TNFRSF13C: variants seen among roughly 807,000 people sequenced by gnomAD.
TNFRSF13C encodes TNF receptor superfamily member 13C.
Under a neutral mutation model 12.1 loss-of-function variants are expected in TNFRSF13C, and 7 were observed. That is an observed-to-expected ratio of 0.58 (90% CI 0.33 to 1.08). The LOEUF (loss-of-function observed/expected upper bound fraction) is 1.08. Ranked by LOEUF, TNFRSF13C falls within the 50% of genes least tolerant of loss-of-function variation. TNFRSF13C has a pLI of 0.04. For synonymous variants in TNFRSF13C, 157 were observed against 130.8 expected, an observed-to-expected ratio of 1.20 and a Z score of -1.37; for missense variants, 260 against 265.9, an observed-to-expected ratio of 0.98 and a Z score of 0.15.
chr22:41,925,959 C>T lies in TNFRSF13C; in HGVS notation c.367+142G>A, dbSNP rs537349364. ...TCCCTCCCCAGCCTGAGCTCCTCAG[C>T]GCAAACTCTTTTCCACTCTGTCTCC... is the stretch of plus-strand genomic sequence containing the variant. On this transcript the variant is annotated intron_variant, in intron 2 of 2. Transcript: ENST00000291232. 1.3e-4 allele frequency: 165 copies of T among 1,223,300 alleles called. No individual in the cohort carries two copies. The African/African-American group carries it at 1.5e-3, about 11-fold the overall frequency. The allele number at this position is 1,223,300 out of a possible 1,614,324, so 75.8% of individuals were successfully genotyped here. A position where few individuals can be genotyped will look rare whatever the true frequency, so the allele number is the denominator to read the frequency against.
rs959097439 is a variant in TNFRSF13C, at chr22:41,926,444, G to C, written c.137-113C>G. ...GCCGGGGAGGGGAGGGACAGCCGGG[G>C]GGCGGTGGACAAGGGGAGGGAGAGA... On this transcript the variant is annotated intron_variant, in intron 1 of 2. Coordinates refer to ENST00000291232, the MANE Select transcript of TNFRSF13C (RefSeq NM_052945.4). The surrounding 1 kb of genome is among the most constrained non-coding windows in gnomAD (Gnocchi z 4.9). 1 of 1,075,002 alleles carries C rather than the reference G, an allele frequency of 9.3e-7. No homozygotes were observed. The highest frequency in any genetic ancestry group is 1.7e-5 in the African/African-American group (1 of 59,470). The allele number at this position is 1,075,002 out of a possible 1,614,324, so 66.6% of individuals were successfully genotyped here.
chr22:41,925,588 G>A (rs987051676), intron 2 of TNFRSF13C, 34 bp from the exon 3 acceptor site: 2 of 1,607,614 alleles, frequency 1.2e-6, no homozygotes, highest in Non-Finnish European at 1.7e-6. Flanking sequence ...TCCGTACTCA[G>A]TCACAGCCTT....
chr22:41,925,621 C>T (rs2146588701), intron 2 of TNFRSF13C, 67 bp from the exon 3 acceptor site: 1 of 1,580,890 alleles, frequency 6.3e-7, no homozygotes, highest in Admixed American at 1.7e-5. Context: ...TAGAAGACTC[C>T]TCTGGAGGGG....
chr22:41,925,482 G>A lies in TNFRSF13C; in HGVS notation c.440C>T (p.Pro147Leu). The change falls in exon 3 of 3, where the codon CCT (proline) becomes CTT (leucine). Residue 147 changes from proline (P) to leucine (L), a missense_variant. By Grantham distance (98) the Pro-to-Leu change is moderately conservative. Coordinates refer to ENST00000291232, the MANE Select transcript of TNFRSF13C (RefSeq NM_052945.4). ...ISDATAPAWPPPGEDPGTTPP... is the reference protein window; with the variant it reads ...ISDATAPAWPLPGEDPGTTPP... Reference sequence around the variant, plus strand: ...GGTGGTTCCTGGGTCTTCCCCAGGAGGAGGCCAGGCAGGAGCTGTGGCATC... The same window carrying A: ...GGTGGTTCCTGGGTCTTCCCCAGGAAGAGGCCAGGCAGGAGCTGTGGCATC... 1 of 1,613,448 alleles carries A rather than the reference G, an allele frequency of 6.2e-7. No homozygotes were observed. The highest frequency in any genetic ancestry group is 8.5e-7 in the Non-Finnish European group (1 of 1,180,008).
rs933416340 is a variant in TNFRSF13C, at chr22:41,923,547, CCAGCACTGGGGGGCCAGTGCTT to C, written c.*1798_*1819del. On this transcript the variant is annotated 3_prime_UTR_variant, in exon 3 of 3. Transcript: ENST00000291232. The stretch of plus-strand genomic sequence containing the variant: ...GCTGGCACAGGATGGCCAAATAAGC[CCAGCACTGGGGGGCCAGTGCTT>C]CAGGGGAACAAGCCAGAGAGAGAAG... 1.1e-4 allele frequency: 17 copies of C among 152,342 alleles called. No individual in the cohort carries two copies. The highest frequency in any genetic ancestry group is 1.0e-3 in the Admixed American group (16 of 15,280). 9.4% of individuals were successfully genotyped at this position (152,342 alleles called of 1,614,324 possible). A position where few individuals can be genotyped will look rare whatever the true frequency, so the allele number is the denominator to read the frequency against.
rs1193887314 is a variant in TNFRSF13C at position 41,923,869 on chromosome 22, T to C, written c.*1498A>G. ...TGCCACTGGGGTCAAAATGGCATCTTAGGTTCTGGCAGATTGGGCCAATCT... is the reference window on the plus strand; with the variant it reads ...TGCCACTGGGGTCAAAATGGCATCTCAGGTTCTGGCAGATTGGGCCAATCT... On this transcript the variant is annotated 3_prime_UTR_variant, in exon 3 of 3. Transcript: ENST00000291232. The C allele has an allele frequency of 6.6e-6, 1 of 152,158 alleles. No homozygotes were observed. The highest frequency in any genetic ancestry group is 1.5e-5 in the Non-Finnish European group (1 of 68,022). 9.4% of individuals were successfully genotyped at this position (152,158 alleles called of 1,614,324 possible).
chr22:41,924,585 C>G lies in TNFRSF13C; in HGVS notation c.*782G>C, dbSNP rs1233903795. On this transcript the variant is annotated 3_prime_UTR_variant, in exon 3 of 3. Coordinates refer to ENST00000291232, the MANE Select transcript of TNFRSF13C (RefSeq NM_052945.4). ...AGCAGAAAGATTGCTTGAGCCCAGG[C>G]TGCAATTAGCTGGGGACCCATCGTT... 1.3e-5 allele frequency: 2 copies of G among 151,778 alleles called. No individual in the cohort carries two copies. The highest frequency in any genetic ancestry group is 1.5e-5 in the Non-Finnish European group (1 of 68,016). The allele number at this position is 151,778 out of a possible 1,614,324, so 9.4% of individuals were successfully genotyped here. A position where few individuals can be genotyped will look rare whatever the true frequency, so the allele number is the denominator to read the frequency against.
rs2077610111 is a variant in TNFRSF13C at position 41,922,298 on chromosome 22, C to G, written c.*3069G>C. 1 of 152,134 alleles carries G rather than the reference C, an allele frequency of 6.6e-6. No individual in the cohort carries two copies. The highest frequency in any genetic ancestry group is 1.5e-5 in the Non-Finnish European group (1 of 68,042). 9.4% of individuals were successfully genotyped at this position (152,134 alleles called of 1,614,324 possible). On this transcript the variant is annotated 3_prime_UTR_variant, in exon 3 of 3. Coordinates refer to ENST00000291232, the MANE Select transcript of TNFRSF13C (RefSeq NM_052945.4). ...AAAAAAATTTAAACAAACACAAACACCCCACCCCCCTCCTCCAGGTGCTCT... is the reference window on the plus strand; with the variant it reads ...AAAAAAATTTAAACAAACACAAACAGCCCACCCCCCTCCTCCAGGTGCTCT...
At position 41,926,704 on chromosome 22, in the gene TNFRSF13C, A is replaced by C; in HGVS notation, c.70T>G (p.Cys24Gly). The part of the protein sequence containing the change: ...PAPTPCVPAE[C>G]FDLLVRHCVA... ...CAGTGGCGGACCAGCAGGTCGAAGC[A>C]CTCGGCCGGGACGCAGGGCGTGGGG... is the stretch of plus-strand genomic sequence containing the variant. The change falls in exon 1 of 3, where the codon TGC (cysteine) becomes GGC (glycine). Residue 24 changes from cysteine (C) to glycine (G), a missense_variant. Cys to Gly is a radical substitution (Grantham distance 159). Transcript: ENST00000291232. This position sits in a 1 kb window ranked among gnomAD's most constrained non-coding sequence, Gnocchi z 4.9. 1 of 1,455,156 alleles carries C rather than the reference A, an allele frequency of 6.9e-7. No individual in the cohort carries two copies. The highest frequency in any genetic ancestry group is 3.0e-5 in the East Asian group (1 of 33,080). 90.1% of individuals were successfully genotyped at this position (1,455,156 alleles called of 1,614,324 possible).
chr22:41,923,389 T>C lies in TNFRSF13C; in HGVS notation c.*1978A>G, dbSNP rs1030405931. ...TTCTGACCCTGTGCAGGAGGGCAGGTAGGAGGCGGCTGACTGAGTGCACAG... is the reference window on the plus strand; with the variant it reads ...TTCTGACCCTGTGCAGGAGGGCAGGCAGGAGGCGGCTGACTGAGTGCACAG... On this transcript the variant is annotated 3_prime_UTR_variant, in exon 3 of 3. Transcript: ENST00000291232. 2 of 154,514 alleles carry C rather than the reference T, an allele frequency of 1.3e-5. No homozygotes were observed. Among genetic ancestry groups the C allele is most frequent in the Non-Finnish European group, 2.9e-5 (2 of 68,318 alleles). The allele number at this position is 154,514 out of a possible 1,614,324, so 9.6% of individuals were successfully genotyped here. A position where few individuals can be genotyped will look rare whatever the true frequency, so the allele number is the denominator to read the frequency against.
rs1241883843 is a variant in TNFRSF13C, at chr22:41,926,132, G to A, written c.336C>T (p.Ser112=). Residue 112 remains serine, a synonymous_variant, in exon 2 of 3, where the codon TCC becomes TCT. Transcript: ENST00000291232. The surrounding 1 kb of genome is among the most constrained non-coding windows in gnomAD (Gnocchi z 4.9). ...TGTCTCCGTCGGGGGCCTCTGCGGA[G>A]GACGCGCCGCGAAGCCGCCGCTGTC... ...RRRQRRLRGA[S]SAEAPDGDKD... The A allele has an allele frequency of 5.6e-6, 9 of 1,612,120 alleles. No individual in the cohort carries two copies. In the South Asian group the frequency reaches 9.9e-5, roughly 18 times the overall value.
rs2077620383 is a variant in TNFRSF13C at position 41,924,648 on chromosome 22, A to T, written c.*719T>A. On this transcript the variant is annotated 3_prime_UTR_variant, in exon 3 of 3. Coordinates refer to ENST00000291232, the MANE Select transcript of TNFRSF13C (RefSeq NM_052945.4). ...GCGTGATACAGCAAGACCCTGTCTC[A>T]AAAAAAACCAAAACACAAAACAAGG... 6.6e-6 allele frequency: 1 copy of T among 151,562 alleles called. No homozygotes were observed. Among genetic ancestry groups the T allele is most frequent in the Non-Finnish European group, 1.5e-5 (1 of 68,004 alleles). 9.4% of individuals were successfully genotyped at this position (151,562 alleles called of 1,614,324 possible).
chr22:41,926,410 G>A lies in TNFRSF13C; in HGVS notation c.137-79C>T, dbSNP rs2077631974. 4.1e-6 allele frequency: 5 copies of A among 1,213,554 alleles called. No homozygotes were observed. The highest frequency in any genetic ancestry group is 4.3e-6 in the Non-Finnish European group (4 of 940,880). The allele number at this position is 1,213,554 out of a possible 1,614,324, so 75.2% of individuals were successfully genotyped here. A position where few individuals can be genotyped will look rare whatever the true frequency, so the allele number is the denominator to read the frequency against. On this transcript the variant is annotated intron_variant, in intron 1 of 2. Coordinates refer to ENST00000291232, the MANE Select transcript of TNFRSF13C (RefSeq NM_052945.4). This position sits in a 1 kb window ranked among gnomAD's most constrained non-coding sequence, Gnocchi z 4.9. ...CGGGGACGGGGAGGGGCGGAGGGGG[G>A]CGAGGCTGGCCGGGGAGGGGAGGGA...
Position 41,926,143 on chromosome 22 carries a change from G to A in TNFRSF13C, c.325C>T (p.Arg109Cys), listed in dbSNP as rs776189874. Residue 109 changes from arginine (R) to cysteine (C), a missense_variant, in exon 2 of 3, where the codon CGC becomes TGC. By Grantham distance (180) the Arg-to-Cys change is radical. Transcript: ENST00000291232. This position sits in a 1 kb window ranked among gnomAD's most constrained non-coding sequence, Gnocchi z 4.9. ...VSWRRRQRRL[R>C]GASSAEAPDG... is the part of the protein sequence containing the mutation. ...GGGGCCTCTGCGGAGGACGCGCCGC[G>A]AAGCCGCCGCTGTCGCCGCCTCCAG... 16 of 1,611,340 alleles carry A rather than the reference G, an allele frequency of 9.9e-6. No individual in the cohort carries two copies. Among genetic ancestry groups the A allele is most frequent in the Admixed American group, 1.7e-5 (1 of 59,962 alleles).
At position 41,926,029 on chromosome 22, in the gene TNFRSF13C, T is replaced by TC. The variant is rs2077627536; in HGVS notation, c.367+71dup. On this transcript the variant is annotated intron_variant, in intron 2 of 2. Transcript: ENST00000291232. The surrounding 1 kb of genome is among the most constrained non-coding windows in gnomAD (Gnocchi z 4.9). ...CTCTCCCCCTCAGGGGCCATGCATC[T>TC]CCCCCTAGACCGTCCCGACACCCCA... 6.3e-7 allele frequency: 1 copy of TC among 1,575,032 alleles called. No homozygotes were observed. The highest frequency in any genetic ancestry group is 2.2e-5 in the East Asian group (1 of 44,506).
rs1282859624 is a variant in TNFRSF13C, at chr22:41,926,757, C to G, written c.17G>C (p.Arg6Pro). The change falls in exon 1 of 3, where the codon CGG becomes CCG. Residue 6 changes from arginine (R) to proline (P), a missense_variant. By Grantham distance (103) the Arg-to-Pro change is moderately radical (BLOSUM62 -2). Coordinates refer to ENST00000291232, the MANE Select transcript of TNFRSF13C (RefSeq NM_052945.4). The surrounding 1 kb of genome is among the most constrained non-coding windows in gnomAD (Gnocchi z 4.9). Reference protein sequence around the residue: MRRGPRSLRGRDAPAP... With the variant: MRRGPPSLRGRDAPAP... ...TGGCGCGTCCCTGCCCCGCAGGCTC[C>G]GGGGCCCTCGCCTCATGGTGCCGAC... The G allele has an allele frequency of 7.3e-7, 1 of 1,361,802 alleles. No homozygotes were observed. Among genetic ancestry groups the G allele is most frequent in the Non-Finnish European group, 9.4e-7 (1 of 1,060,310 alleles). 84.4% of individuals were successfully genotyped at this position (1,361,802 alleles called of 1,614,324 possible). A position where few individuals can be genotyped will look rare whatever the true frequency, so the allele number is the denominator to read the frequency against.
In TNFRSF13C at chr22:41,926,594, TC is replaced by T; in HGVS notation, c.136+43del. The T allele has an allele frequency of 7.2e-7, 1 of 1,391,920 alleles. No homozygotes were observed. The highest frequency in any genetic ancestry group is 9.3e-7 in the Non-Finnish European group (1 of 1,077,544). The allele number at this position is 1,391,920 out of a possible 1,614,324, so 86.2% of individuals were successfully genotyped here. A position where few individuals can be genotyped will look rare whatever the true frequency, so the allele number is the denominator to read the frequency against. On this transcript the variant is annotated intron_variant, in intron 1 of 2. Coordinates refer to ENST00000291232, the MANE Select transcript of TNFRSF13C (RefSeq NM_052945.4). The surrounding 1 kb of genome is among the most constrained non-coding windows in gnomAD (Gnocchi z 4.9). ...CGCCCTGGCGATCGGGGCCCCGTTC[TC>T]CCCGCAGCTGCCGGCGCCGCGCGCC...
chr22:41,925,208 G>A lies in TNFRSF13C; in HGVS notation c.*159C>T, dbSNP rs1305516019. The A allele has an allele frequency of 3.8e-6, 3 of 799,816 alleles. No homozygotes were observed. The African/African-American group carries it at 5.2e-5, about 14-fold the overall frequency. The allele number at this position is 799,816 out of a possible 1,614,324, so 49.5% of individuals were successfully genotyped here. Reference sequence around the variant, plus strand: ...AGGCAAGCACACCAAACTCCATGGGGGCTGAATGCTGTGGTCTGTAGTGTC... The same window carrying A: ...AGGCAAGCACACCAAACTCCATGGGAGCTGAATGCTGTGGTCTGTAGTGTC... On this transcript the variant is annotated 3_prime_UTR_variant, in exon 3 of 3. Transcript: ENST00000291232.
In TNFRSF13C at chr22:41,924,845, G is replaced by A. The variant is rs144617529; in HGVS notation, c.*522C>T. The A allele has an allele frequency of 8.4e-3, 1,277 of 151,952 alleles. 28 individuals carry two copies. The highest frequency in any genetic ancestry group is 0.03 in the African/African-American group (1,216 of 40,842). 9.4% of individuals were successfully genotyped at this position (151,952 alleles called of 1,614,324 possible). A position where few individuals can be genotyped will look rare whatever the true frequency, so the allele number is the denominator to read the frequency against. ...TGCGTGCCTGTAATCCCAGCTATTC[G>A]GGAGGCTGAGGCAGGAGAATCACTT... On this transcript the variant is annotated 3_prime_UTR_variant, in exon 3 of 3. Transcript: ENST00000291232.
Sources: gnomAD v4.1 joint callset for allele counts on GRCh38, gnomAD v4.1.1 for gene constraint, Gnocchi (gnomAD v3.1) non-coding constraint, MANE v1.5 for transcripts, NCBI Gene and HGNC (gene_info 2026-07-23, HGNC 2026-07-21) for gene names.